The following IFT140 variants were observed in gnomAD, a reference collection of about 807,000 sequenced individuals.
IFT140 encodes the protein intraflagellar transport protein 140 homolog.
A neutral mutation model predicts 164.6 loss-of-function variants in IFT140; 133 were observed. The ratio of observed to expected loss-of-function variants is 0.81; its 90% CI spans 0.70 to 0.93. The LOEUF (loss-of-function observed/expected upper bound fraction) is 0.93. Among genes scored for constraint, IFT140 ranks in the 40% least tolerant of loss-of-function variants. The pLI, the probability that IFT140 is intolerant of heterozygous loss-of-function variation, is 0.00. For synonymous variants in IFT140, 860 were observed against 817.3 expected (o/e 1.05, Z -0.89); for missense variants, 2,045 against 1,972.3 (o/e 1.04, Z -0.70).
At chr16:1,513,875 G>T (rs551416387) in intron 30 of IFT140, among the ~76,000 whole-genome samples, 9 of 141,328 alleles carry the variant, frequency 6.4e-5, no homozygotes, top group South Asian at 4.8e-4. Flanking sequence ...GGGTTTCACC[G>T]TGTTAGCCAA....
chr16:1,560,226 C>G (rs576490139), intron 18 of IFT140, among the ~76,000 whole-genome samples: 1 of 152,320 alleles, frequency 6.6e-6, no homozygotes, highest in East Asian at 1.9e-4. Flanking sequence ...TTTGGCGAAT[C>G]ACACGATGCT....
chr16:1,527,189 C>T (rs2040731701), intron 19 of IFT140, among the ~76,000 whole-genome samples: 2 of 152,240 alleles, frequency 1.3e-5, no homozygotes, highest in African/African-American at 4.8e-5. Flanking sequence ...CCTGAGATTG[C>T]AGGGCCCCTG....
intron 19 of IFT140, among the ~76,000 whole-genome samples, chr16:1,557,342 A>C (rs1395069455): frequency 1.3e-5 from 2 of 152,038 alleles, no homozygotes; most frequent in African/African-American, 2.4e-5. Flanking sequence ...GGGGTCCTGC[A>C]CCCTCTCGGA....
rs550238946 is a variant in IFT140, at chr16:1,573,966, C to T, written c.1525-2432G>A. 9.2e-5 allele frequency among the ~76,000 whole-genome samples: 14 copies of T among 152,324 alleles called. No homozygotes were observed. The South Asian group carries it at 1.5e-3, about 16-fold the overall frequency. ...GAGACCTTAAATGAGGCAGCAGCCA[C>T]GCCCTGCTCTCCCTTGAGCTGTGTT... On this transcript the variant is annotated intron_variant, in intron 13 of 30. Transcript: ENST00000426508.
chr16:1,511,267 G>C (rs1006645165), intron 30 of IFT140, 117 bp from the exon 31 acceptor site: 3 of 895,482 alleles, frequency 3.4e-6, no homozygotes, highest in Non-Finnish European at 5.3e-6. Flanking sequence ...CTCCGCGCTG[G>C]AGGACACGGG....
Position 1,530,133 on chromosome 16 carries a change from C to CTTTTTTTTTTTTTTTTTTTTT in IFT140, c.2400-3358_2400-3338dup, listed in dbSNP as rs922819138. Among the ~76,000 whole-genome samples, 27 of 88,586 alleles carry CTTTTTTTTTTTTTTTTTTTTT rather than the reference C, an allele frequency of 3.0e-4. 2 individuals are homozygous for CTTTTTTTTTTTTTTTTTTTTT. Among genetic ancestry groups the CTTTTTTTTTTTTTTTTTTTTT allele is most frequent in the African/African-American group, 9.2e-4 (17 of 18,456 alleles). 58.1% of individuals were successfully genotyped at this position (88,586 alleles called of 152,430 possible). A position where few individuals can be genotyped will look rare whatever the true frequency, so the allele number is the denominator to read the frequency against. Reference sequence around the variant, plus strand: ...TCCCAAAAGACTTCACGACGGGAATCTTTTTTTTTTTTTTTTTTTTTTTTG... The same window carrying CTTTTTTTTTTTTTTTTTTTTT: ...TCCCAAAAGACTTCACGACGGGAATCTTTTTTTTTTTTTTTTTTTTTTTTTTTTTTTTTTTTTTTTTTTTTG... On this transcript the variant is annotated intron_variant, in intron 19 of 30. Transcript: ENST00000426508.
chr16:1,593,049 G>A, intron 4 of IFT140, among the ~76,000 whole-genome samples: 1 of 152,108 alleles, frequency 6.6e-6, no homozygotes, highest in South Asian at 2.1e-4. Flanking sequence ...AGTGACTGGT[G>A]GTGGGACAGG....
chr16:1,581,744 G>GGGGAGGGGAGCGGGGGGT (rs1237423927), intron 12 of IFT140, among the ~76,000 whole-genome samples: 2 of 108,384 alleles, frequency 1.8e-5, no homozygotes. Context: ...GAGCGGGGGA[G>GGGGAGGGGAGCGGGGGGT]GGGAGGGGAG....
chr16:1,516,295 A>G (rs2040341716), intron 30 of IFT140, among the ~76,000 whole-genome samples: 1 of 152,102 alleles, frequency 6.6e-6, no homozygotes, highest in Non-Finnish European at 1.5e-5. Flanking sequence ...TACTGTGTTT[A>G]TAATACATGT....
chr16:1,603,536 C>T (rs1036476291), intron 3 of IFT140, among the ~76,000 whole-genome samples: 13 of 151,766 alleles, frequency 8.6e-5, no homozygotes, highest in Admixed American at 7.2e-4. Context: ...GGCTGGAGTG[C>T]TGCAGTGGCA....
intron 19 of IFT140, among the ~76,000 whole-genome samples, chr16:1,538,085 C>G (rs1053059640): frequency 6.6e-6 from 1 of 152,232 alleles, no homozygotes. Flanking sequence ...AACACCCAAG[C>G]AGTGAACGCC....
chr16:1,511,265 T>G, intron 30 of IFT140, 115 bp from the exon 31 acceptor site: 3 of 904,806 alleles, frequency 3.3e-6, no homozygotes, highest in Non-Finnish European at 5.3e-6. Flanking sequence ...GCCTCCGCGC[T>G]GGAGGACACG....
chr16:1,600,808 T>C (rs2035755209), intron 4 of IFT140, among the ~76,000 whole-genome samples: 1 of 151,590 alleles, frequency 6.6e-6, no homozygotes, highest in Non-Finnish European at 1.5e-5. Context: ...ATGAAAGTAT[T>C]ATGAGGAGAC....
intron 4 of IFT140, among the ~76,000 whole-genome samples, chr16:1,599,435 C>A (rs2035651238): frequency 1.5e-5 from 1 of 64,894 alleles, no homozygotes; most frequent in Non-Finnish European, 2.8e-5. Flanking sequence ...GGGTCAGCCC[C>A]CCGCCTGGCC....
intron 3 of IFT140, among the ~76,000 whole-genome samples, chr16:1,603,827 GAT>G (rs2035915392): frequency 6.6e-6 from 1 of 152,204 alleles, no homozygotes. Flanking sequence ...CTTTGGGGAA[GAT>G]ATAAGTGCGT....
intron 18 of IFT140, 121 bp from the exon 19 acceptor site, chr16:1,558,255 T>C: frequency 1.0e-6 from 1 of 973,940 alleles, no homozygotes; most frequent in South Asian, 1.5e-5. Flanking sequence ...GACAGACAGA[T>C]ATTTACCAAC....
intron 17 of IFT140, among the ~76,000 whole-genome samples, chr16:1,562,665 G>A (rs948894927): frequency 6.6e-6 from 1 of 152,132 alleles, no homozygotes; most frequent in Non-Finnish European, 1.5e-5. Flanking sequence ...CCAGCTACTT[G>A]GTAGTCTGAG....
Position 1,550,776 on chromosome 16 carries a change from G to C in IFT140, c.2399+7159C>G, listed in dbSNP as rs554975227. Among the ~76,000 whole-genome samples, 12 of 152,350 alleles carry C rather than the reference G, an allele frequency of 7.9e-5. No individual in the cohort carries two copies. The East Asian group carries it at 2.3e-3, about 29-fold the overall frequency. ...AAATGCCACCCTCTGGGGACACAGA[G>C]ATTAATGACTTCCCCATCTCTCTAA... On this transcript the variant is annotated intron_variant, in intron 19 of 30. Transcript: ENST00000426508.
intron 11 of IFT140, among the ~76,000 whole-genome samples, chr16:1,583,700 T>A (rs1006213614): frequency 6.6e-6 from 1 of 152,128 alleles, no homozygotes; most frequent in Admixed American, 6.5e-5. Flanking sequence ...AACTGACATT[T>A]TTTTTAATTT....
Sources: allele counts gnomAD v4.1 joint callset (sites outside exome capture counted in the v4.1 genomes callset), GRCh38; gene constraint gnomAD v4.1.1; transcripts MANE v1.5; gene names NCBI Gene and HGNC (gene_info 2026-07-23, HGNC 2026-07-21).